DLG2: variants seen among roughly 807,000 people sequenced by gnomAD.
DLG2 encodes discs large MAGUK scaffold protein 2, also known as disks large homolog 2.
A neutral mutation model predicts 132.5 loss-of-function variants in DLG2; 45 were observed. The ratio of observed to expected loss-of-function variants is 0.34; its 90% CI spans 0.27 to 0.44. The LOEUF (loss-of-function observed/expected upper bound fraction) is 0.44, where lower values mean the gene tolerates loss of function less well. Ranked by LOEUF, DLG2 falls within the 20% of genes least tolerant of loss-of-function variation. The pLI is 1.00. For missense variants in DLG2, 1,045 were observed against 1,196.9 expected, an observed-to-expected ratio of 0.87 and a Z score of 1.87; for synonymous variants, 424 against 419.6, an observed-to-expected ratio of 1.01 and a Z score of -0.13.
intron 3 of DLG2, among the ~76,000 whole-genome samples, chr11:85,491,934 A>C (rs1188570752): frequency 6.7e-6 from 1 of 149,312 alleles, no homozygotes; most frequent in East Asian, 1.9e-4. Flanking sequence ...TGAATAGCCA[A>C]ACCAATATTA....
chr11:84,840,957 G>T (rs1599444914), intron 6 of DLG2, among the ~76,000 whole-genome samples: 1 of 150,310 alleles, frequency 6.7e-6, no homozygotes, highest in East Asian at 2.0e-4. Context: ...CCTACGTGTT[G>T]TGCTCATGTA....
At chr11:84,661,193 T>TTTTG (rs1290721421) in intron 6 of DLG2, among the ~76,000 whole-genome samples, 1 of 152,118 alleles carries the variant, frequency 6.6e-6, no homozygotes, top group Non-Finnish European at 1.5e-5. Flanking sequence ...TTGCAGGTAG[T>TTTTG]TTTGTTTTGT....
At chr11:83,879,057 T>C (rs988545142) in intron 15 of DLG2, among the ~76,000 whole-genome samples, 1 of 152,166 alleles carries the variant, frequency 6.6e-6, no homozygotes, top group Non-Finnish European at 1.5e-5. Flanking sequence ...GAAATTTGAA[T>C]GGTGCTGAAA....
chr11:85,191,143 T>TGCGC (rs201015532), intron 4 of DLG2, among the ~76,000 whole-genome samples: 3 of 141,216 alleles, frequency 2.1e-5, no homozygotes, highest in African/African-American at 8.2e-5. Flanking sequence ...TCTATATGCA[T>TGCGC]GCGCGCGCGC....
chr11:85,500,398 G>A lies in DLG2; in HGVS notation c.40+98259C>T, dbSNP rs1597985697. Among the ~76,000 whole-genome samples, 4 of 115,712 alleles carry A rather than the reference G, an allele frequency of 3.5e-5. No homozygotes were observed. In the East Asian group the frequency reaches 8.5e-4, roughly 25 times the overall value. 75.9% of individuals were successfully genotyped at this position (115,712 alleles called of 152,430 possible). On this transcript the variant is annotated intron_variant, in intron 3 of 27. Coordinates refer to ENST00000376104, the MANE Select transcript of DLG2 (RefSeq NM_001142699.3). The stretch of plus-strand genomic sequence containing the variant: ...ACACTCTGGGGACTGTGGTGGGGTC[G>A]GGGGAGGGGGGAGGGATAGCATTGG...
intron 3 of DLG2, among the ~76,000 whole-genome samples, chr11:85,585,100 T>C (rs973118267): frequency 2.0e-5 from 3 of 152,202 alleles, no homozygotes; most frequent in African/African-American, 7.2e-5. Flanking sequence ...GAAGTGTTTT[T>C]CCAATGTTAT....
chr11:84,454,355 A>G (rs2099059663), intron 7 of DLG2, among the ~76,000 whole-genome samples: 1 of 151,502 alleles, frequency 6.6e-6, no homozygotes, highest in Non-Finnish European at 1.5e-5. Flanking sequence ...AGCCTCTGAT[A>G]CTTTCAAAAA....
At chr11:84,062,268 T>A (rs12574301) in intron 10 of DLG2, among the ~76,000 whole-genome samples, 120,409 of 152,090 alleles carry the variant, frequency 0.79, 48,996 homozygotes, top group Middle Eastern at 0.91. Flanking sequence ...TTCTTCATCA[T>A]CTGTGGGACC....
intron 5 of DLG2, 23 bp from the exon 6 acceptor site, chr11:85,111,758 T>C (rs1456341754): frequency 6.6e-7 from 1 of 1,522,674 alleles, no homozygotes. Flanking sequence ...AAAAATTATA[T>C]TATATTCTAT....
chr11:84,145,502 C>A (rs925510157), intron 9 of DLG2, among the ~76,000 whole-genome samples: 2 of 152,126 alleles, frequency 1.3e-5, no homozygotes, highest in African/African-American at 4.8e-5. Flanking sequence ...TCTTATGGGA[C>A]CACTGTTGTA....
At position 84,827,499 on chromosome 11, in the gene DLG2, T is replaced by A. The variant is rs4442574; in HGVS notation, c.357+284162A>T. 9.9e-4 allele frequency among the ~76,000 whole-genome samples: 150 copies of A among 151,570 alleles called. 1 individual carries two copies. The East Asian group carries it at 0.029, about 29-fold the overall frequency. On this transcript the variant is annotated intron_variant, in intron 6 of 27. Transcript: ENST00000376104. ...TTGAACTTAGGAGGATAATATTGATTGATCAAAGTAGAATTTTTGGAAGAG... is the reference window on the plus strand; with the variant it reads ...TTGAACTTAGGAGGATAATATTGATAGATCAAAGTAGAATTTTTGGAAGAG...
chr11:85,377,384 G>A (rs1394487036), intron 3 of DLG2, among the ~76,000 whole-genome samples: 7 of 152,022 alleles, frequency 4.6e-5, no homozygotes, highest in East Asian at 1.9e-4. Context: ...TCCTCCTTTC[G>A]AAAGGAGGCA....
chr11:84,406,899 T>C (rs746174277), intron 7 of DLG2, among the ~76,000 whole-genome samples: 4 of 152,006 alleles, frequency 2.6e-5, no homozygotes, highest in Non-Finnish European at 5.9e-5. Context: ...AGGTGGAAGG[T>C]GAGAGAGGGA....
At chr11:83,862,310 G>A (rs892863666) in intron 16 of DLG2, among the ~76,000 whole-genome samples, 2 of 152,096 alleles carry the variant, frequency 1.3e-5, no homozygotes, top group African/African-American at 4.8e-5. Context: ...TGGAACTGGA[G>A]GTCATTATGT....
intron 19 of DLG2, among the ~76,000 whole-genome samples, chr11:83,604,646 CT>C (rs886317125): frequency 4.6e-5 from 7 of 151,996 alleles, no homozygotes; most frequent in African/African-American, 1.7e-4. Context: ...AAACCATAGA[CT>C]TTGGGTGATA....
At chr11:85,271,917 T>C (rs946057343) in intron 4 of DLG2, among the ~76,000 whole-genome samples, 3 of 152,214 alleles carry the variant, frequency 2.0e-5, no homozygotes, top group Non-Finnish European at 4.4e-5. Flanking sequence ...GAGTTAATGC[T>C]GAAATGAGGT....
At position 84,373,832 on chromosome 11, in the gene DLG2, T is replaced by C. The variant is rs201428533; in HGVS notation, c.520-122541A>G. ...CTCTAAAGTTTGAACAAAATATGTA[T>C]ACTTTCACTAAATTTCTAATAATGA... is the stretch of plus-strand genomic sequence containing the variant. On this transcript the variant is annotated intron_variant, in intron 7 of 27. Transcript: ENST00000376104. Among the ~76,000 whole-genome samples, 16 of 152,304 alleles carry C rather than the reference T, an allele frequency of 1.1e-4. No individual in the cohort carries two copies. The East Asian group carries it at 3.1e-3, about 29-fold the overall frequency.
At chr11:83,860,156 C>T (rs2061213353) in intron 16 of DLG2, among the ~76,000 whole-genome samples, 1 of 152,154 alleles carries the variant, frequency 6.6e-6, no homozygotes, top group Non-Finnish European at 1.5e-5. Flanking sequence ...GGGTTGAAGC[C>T]CCCATACAGA....
rs573214683 is a variant in DLG2, at chr11:85,352,785, T to C, written c.41-67420A>G. ...GTGCTGGGAAAACTGGCTAGCCATA[T>C]GTAGAAAGCTGAAACTGGATCCCTT... On this transcript the variant is annotated intron_variant, in intron 3 of 27. Coordinates refer to ENST00000376104, the MANE Select transcript of DLG2 (RefSeq NM_001142699.3). 5.9e-5 allele frequency among the ~76,000 whole-genome samples: 9 copies of C among 152,278 alleles called. 1 individual carries two copies. The highest frequency in any genetic ancestry group is 2.1e-4 in the South Asian group (1 of 4,830).
Sources: gnomAD v4.1 joint callset for allele counts (sites outside exome capture counted in the v4.1 genomes callset) on GRCh38, gnomAD v4.1.1 for gene constraint, MANE v1.5 for transcripts, NCBI Gene and HGNC (gene_info 2026-07-23, HGNC 2026-07-21) for gene names.